NAALADL2: variants seen among roughly 807,000 people sequenced by gnomAD.
NAALADL2 encodes the protein inactive N-acetylated-alpha-linked acidic dipeptidase-like protein 2.
A neutral mutation model predicts 87.2 loss-of-function variants in NAALADL2; 76 were observed. That is an observed-to-expected ratio of 0.87 (90% CI 0.72 to 1.05). The LOEUF is 1.05. Ranked by LOEUF, NAALADL2 falls within the 50% of genes least tolerant of loss-of-function variation. NAALADL2 has a pLI of 0.00. For missense variants in NAALADL2, 1,089 were observed against 945.8 expected (o/e 1.15, Z -1.99); for synonymous variants, 354 against 331.0 (o/e 1.07, Z -0.75).
At chr3:174,752,355 T>C (rs952668691) in intron 3 of NAALADL2, among the ~76,000 whole-genome samples, 1 of 152,224 alleles carries the variant, frequency 6.6e-6, no homozygotes, top group African/African-American at 2.4e-5. Context: ...TTGACAATTT[T>C]ATCCATTTCT....
At chr3:175,086,181 A>G (rs922179036) in intron 1 of NAALADL2, among the ~76,000 whole-genome samples, 2 of 152,230 alleles carry the variant, frequency 1.3e-5, no homozygotes, top group African/African-American at 4.8e-5. Flanking sequence ...TTGTTTTGAC[A>G]GTCATTTCTA....
At chr3:174,721,567 C>T (rs1284867959) in intron 2 of NAALADL2, among the ~76,000 whole-genome samples, 1 of 152,114 alleles carries the variant, frequency 6.6e-6, no homozygotes, top group Non-Finnish European at 1.5e-5. Flanking sequence ...AATAAAATAA[C>T]GTTTGTGTCT....
intron 11 of NAALADL2, among the ~76,000 whole-genome samples, chr3:175,711,257 G>T (rs1334274572): frequency 6.6e-6 from 1 of 151,814 alleles, no homozygotes. Flanking sequence ...ATCTACAGAT[G>T]AGGTATGATT....
chr3:175,576,162 C>T lies in NAALADL2; in HGVS notation c.1775C>T (p.Ala592Val). The change falls in exon 10 of 14, where the codon GCT (alanine) becomes GTT (valine). Residue 592 changes from alanine to valine, a missense_variant. Physicochemically the swap from Ala to Val is moderately conservative, Grantham distance 64. Transcript: ENST00000454872. ...NHLGVPIVQF[A>V]YEDIKTLEGP... ...CTTGGAGTTCCCATCGTGCAGTTTG[C>T]TTACGAGGACATCAAAACATTAGAG... 1.2e-6 allele frequency: 2 copies of T among 1,613,544 alleles called. No individual in the cohort carries two copies. Among genetic ancestry groups the T allele is most frequent in the South Asian group, 1.1e-5 (1 of 91,024 alleles).
intron 2 of NAALADL2, among the ~76,000 whole-genome samples, chr3:175,211,801 G>A (rs899932063): frequency 9.2e-5 from 14 of 152,042 alleles, no homozygotes; most frequent in African/African-American, 3.1e-4. Context: ...TATGTACAAG[G>A]AAATGCTCTT....
intron 11 of NAALADL2, among the ~76,000 whole-genome samples, chr3:175,652,785 G>T (rs1730960449): frequency 6.6e-6 from 1 of 152,100 alleles, no homozygotes; most frequent in Admixed American, 6.5e-5. Context: ...AGAATCATCT[G>T]TAAACTATGA....
intron 4 of NAALADL2, among the ~76,000 whole-genome samples, chr3:175,288,592 C>G (rs1402043136): frequency 6.6e-6 from 1 of 152,078 alleles, no homozygotes; most frequent in Non-Finnish European, 1.5e-5. Flanking sequence ...TCTTGCTGCT[C>G]CTTAGTCAAG....
chr3:175,010,792 A>G (rs1055288358), intron 1 of NAALADL2, among the ~76,000 whole-genome samples: 23 of 152,200 alleles, frequency 1.5e-4, no homozygotes, highest in Non-Finnish European at 2.4e-4. Flanking sequence ...TGTATAGTCT[A>G]GTATCATAAA....
intron 2 of NAALADL2, among the ~76,000 whole-genome samples, chr3:174,686,866 G>T (rs1322193450): frequency 2.0e-5 from 3 of 151,944 alleles, no homozygotes; most frequent in Non-Finnish European, 1.5e-5. Context: ...AACCTAAGCG[G>T]TACCACTTAG....
chr3:175,382,537 A>G (rs928173451), intron 5 of NAALADL2, among the ~76,000 whole-genome samples: 6 of 53,976 alleles, frequency 1.1e-4, no homozygotes, highest in Non-Finnish European at 1.7e-4. Flanking sequence ...ACCCATGGTT[A>G]TAAGAAAGTA....
intron 11 of NAALADL2, among the ~76,000 whole-genome samples, chr3:175,666,680 G>A (rs2151603): frequency 0.042 from 6,393 of 152,008 alleles, 186 homozygotes; most frequent in South Asian, 0.13. Context: ...TCCCTGGAGC[G>A]TAACTATACC....
chr3:175,180,692 C>CGTA (rs1736330541), intron 2 of NAALADL2, among the ~76,000 whole-genome samples: 1 of 65,458 alleles, frequency 1.5e-5, no homozygotes, highest in East Asian at 5.3e-4. Context: ...TAATTATTAT[C>CGTA]ATAATCATAA....
chr3:175,145,487 G>A (rs986574940), intron 2 of NAALADL2, among the ~76,000 whole-genome samples: 1 of 152,024 alleles, frequency 6.6e-6, no homozygotes, highest in Non-Finnish European at 1.5e-5. Context: ...GACGAGCAAT[G>A]GATGAAACTT....
At chr3:175,066,432 G>A (rs543109310) in intron 1 of NAALADL2, among the ~76,000 whole-genome samples, 278 of 152,164 alleles carry the variant, frequency 1.8e-3, no homozygotes, top group Non-Finnish European at 3.1e-3. Context: ...GGCAGGGACT[G>A]TCTCTTCAGT....
At chr3:174,708,667 G>T (rs1730340645) in intron 2 of NAALADL2, among the ~76,000 whole-genome samples, 1 of 152,042 alleles carries the variant, frequency 6.6e-6, no homozygotes, top group Admixed American at 6.5e-5. Context: ...ATCTATGTTG[G>T]TCAAGAGAAA....
intron 3 of NAALADL2, among the ~76,000 whole-genome samples, chr3:174,742,748 C>T (rs914845787): frequency 6.6e-6 from 1 of 151,312 alleles, no homozygotes; most frequent in African/African-American, 2.4e-5. Context: ...TTTTTTAATG[C>T]ATTTAAGTAT....
chr3:174,496,899 A>G (rs1318174520), intron 1 of NAALADL2, among the ~76,000 whole-genome samples: 1 of 151,886 alleles, frequency 6.6e-6, no homozygotes, highest in African/African-American at 2.4e-5. Context: ...TCATTAATGC[A>G]TAATTCATTG....
chr3:175,396,865 C>A (rs1313574061), intron 5 of NAALADL2, among the ~76,000 whole-genome samples: 1 of 152,026 alleles, frequency 6.6e-6, no homozygotes, highest in Non-Finnish European at 1.5e-5. Context: ...TGTTTGCTTC[C>A]CCTTCTGCCA....
intron 10 of NAALADL2, among the ~76,000 whole-genome samples, chr3:175,626,495 C>T (rs925786536): frequency 1.3e-5 from 2 of 151,752 alleles, no homozygotes; most frequent in South Asian, 2.1e-4. Context: ...CATATTTACT[C>T]CTCACCTGAT....
Sources: gnomAD v4.1 joint callset for allele counts (sites outside exome capture counted in the v4.1 genomes callset) on GRCh38, gnomAD v4.1.1 for gene constraint, MANE v1.5 for transcripts, NCBI Gene and HGNC (gene_info 2026-07-23, HGNC 2026-07-21) for gene names.